SMC1A: variants seen among roughly 807,000 people sequenced by gnomAD.
The protein encoded by SMC1A is structural maintenance of chromosomes protein 1A.
SMC1A carries 4 observed loss-of-function variants against 94.5 expected under a neutral mutation model. The ratio of observed to expected loss-of-function variants is 0.04; its 90% CI spans 0.02 to 0.10. The LOEUF (loss-of-function observed/expected upper bound fraction) is 0.10, where lower values mean the gene tolerates loss of function less well. SMC1A is among the 10% of genes least tolerant of loss of function. The pLI, the probability that SMC1A is intolerant of heterozygous loss-of-function variation, is 1.00. For synonymous variants in SMC1A, 345 were observed against 347.7 expected (o/e 0.99, Z 0.09); for missense variants, 304 against 989.0 (o/e 0.31, Z 9.29).
rs2146602309 is a variant in SMC1A at position 53,409,179 on chromosome X, C to T, written c.1428G>A (p.Glu476=). The change falls in exon 9 of 25, where the codon GAG becomes GAA. Residue 476 remains glutamate (E), a synonymous_variant. Transcript: ENST00000322213. ...AKRRIDEINK[E]LNQVMEQLGD... ...CTAGCTGCTCCATCACCTGGTTCAG[C>T]TCCTTATTGATTTCATCAATACGCC... 4 of 1,211,880 alleles carry T rather than the reference C, an allele frequency of 3.3e-6. No individual in the cohort carries two copies. Among genetic ancestry groups the T allele is most frequent in the Non-Finnish European group, 4.5e-6 (4 of 895,492 alleles).
Position 53,374,910 on chromosome X carries a change from T to G in SMC1A, c.*5193A>C, listed in dbSNP as rs2075554635. The stretch of plus-strand genomic sequence containing the variant: ...CACTTCTTCTGAATAGCTCACATTC[T>G]GCCTCCCTGAAAGATCTGGTTGTTT... On this transcript the variant is annotated 3_prime_UTR_variant, in exon 25 of 25. Transcript: ENST00000322213. 1.8e-5 allele frequency: 2 copies of G among 113,103 alleles called. No homozygotes were observed. The highest frequency in any genetic ancestry group is 1.9e-4 in the Admixed American group (2 of 10,653). 9.3% of individuals were successfully genotyped at this position (113,103 alleles called of 1,213,427 possible).
intron 19 of SMC1A, among the ~76,000 whole-genome samples, chrX:53,393,213 G>A (rs1410243418): frequency 1.8e-5 from 2 of 109,222 alleles, no homozygotes; most frequent in African/African-American, 6.7e-5. Context: ...GAAATACAAG[G>A]AATAGAAAAA....
intron 1 of SMC1A, among the ~76,000 whole-genome samples, chrX:53,418,211 G>A (rs1391272996): frequency 6.3e-5 from 7 of 111,967 alleles, no homozygotes; most frequent in Non-Finnish European, 1.1e-4. Flanking sequence ...TATCGCCCAC[G>A]CTAGATTGCA....
In SMC1A at chrX:53,377,660, T is replaced by C. The variant is rs5933540; in HGVS notation, c.*2443A>G. On this transcript the variant is annotated 3_prime_UTR_variant, in exon 25 of 25. Transcript: ENST00000322213. ...AAACCTTTTTGGGCCTCAGTTTCCTTATCTGTAAAGTGGGGAGAACAGCAA... is the reference window on the plus strand; with the variant it reads ...AAACCTTTTTGGGCCTCAGTTTCCTCATCTGTAAAGTGGGGAGAACAGCAA... 5 of 111,676 alleles carry C rather than the reference T, an allele frequency of 4.5e-5. No homozygotes were observed. The highest frequency in any genetic ancestry group is 9.6e-5 in the Admixed American group (1 of 10,406). 9.2% of individuals were successfully genotyped at this position (111,676 alleles called of 1,213,427 possible). A position where few individuals can be genotyped will look rare whatever the true frequency, so the allele number is the denominator to read the frequency against.
chrX:53,417,637 A>C (rs1440978435), intron 1 of SMC1A, among the ~76,000 whole-genome samples: 1 of 110,723 alleles, frequency 9.0e-6, no homozygotes, highest in Non-Finnish European at 1.9e-5. Context: ...ACAAACTTTG[A>C]CTGGACTCTG....
At position 53,403,750 on chromosome X, in the gene SMC1A, C is replaced by T. The variant is rs781968221; in HGVS notation, c.2313+27G>A. ...AGTCCCAGTCCTGCCCTGACACACACGCTGGCATGGCCCACACCCTACCAA... is the reference window on the plus strand; with the variant it reads ...AGTCCCAGTCCTGCCCTGACACACATGCTGGCATGGCCCACACCCTACCAA... On this transcript the variant is annotated intron_variant, in intron 14 of 24. Transcript: ENST00000322213. The T allele has an allele frequency of 1.0e-5, 12 of 1,169,476 alleles. 1 individual carries two copies. The African/African-American group carries it at 2.1e-4, about 21-fold the overall frequency.
At chrX:53,408,788 G>A (rs782102357) in intron 9 of SMC1A, among the ~76,000 whole-genome samples, 6 of 103,204 alleles carry the variant, frequency 5.8e-5, no homozygotes, top group African/African-American at 2.2e-4. Flanking sequence ...TCAGAAAGAC[G>A]CAATTGGTAT....
chrX:53,382,915 G>A (rs782631745), intron 20 of SMC1A, among the ~76,000 whole-genome samples, 182 bp downstream of exon 20: 2 of 111,225 alleles, frequency 1.8e-5, no homozygotes, highest in Admixed American at 1.9e-4. Context: ...TTTACTCTCC[G>A]GGAACCTCAG....
rs1569351427 is a variant in SMC1A at position 53,380,626 on chromosome X, A to G, written c.3612T>C (p.Tyr1204=). Residue 1204 remains tyrosine, a synonymous_variant, in exon 24 of 25, where the codon TAT becomes TAC. Transcript: ENST00000322213. ...TGAGCCAGGCCCGCCCTACCTCAGG[A>G]TAGACTCCAATGAGGCTCTCGGCCT... ...YTKAESLIGV[Y]PEQGDCVISK... 5.1e-6 allele frequency: 6 copies of G among 1,179,075 alleles called. No homozygotes were observed. The highest frequency in any genetic ancestry group is 6.9e-6 in the Non-Finnish European group (6 of 866,135).
Position 53,405,792 on chromosome X carries a change from G to A in SMC1A, c.1710C>T (p.Phe570=). 5 of 1,210,707 alleles carry A rather than the reference G, an allele frequency of 4.1e-6. No individual in the cohort carries two copies. The highest frequency in any genetic ancestry group is 5.6e-6 in the Non-Finnish European group (5 of 895,017). Residue 570 remains phenylalanine, a synonymous_variant, in exon 10 of 25, where the codon TTC becomes TTT. Coordinates refer to ENST00000322213, the MANE Select transcript of SMC1A (RefSeq NM_006306.4). ...TCACCTCCAGGTAGTCAAGAGGCAA[G>A]AAGGTCTCAGGCTCCCCACGCTGCT... ...IKEQRGEPET[F]LPLDYLEVKP... is the part of the protein sequence containing the mutation.
Position 53,397,666 on chromosome X carries a change from G to T in SMC1A, c.2563-1049C>A, listed in dbSNP as rs1453156832. Reference sequence around the variant, plus strand: ...ATAAAAAATAATAAGCATATATATAGAGAGAGAATGCAAAAGATAATGCGG... The same window carrying T: ...ATAAAAAATAATAAGCATATATATATAGAGAGAATGCAAAAGATAATGCGG... On this transcript the variant is annotated intron_variant, in intron 16 of 24. Transcript: ENST00000322213. Among the ~76,000 whole-genome samples the T allele has an allele frequency of 3.6e-5, 4 of 111,774 alleles. No homozygotes were observed. In the East Asian group the frequency reaches 8.4e-4, roughly 23 times the overall value.
chrX:53,382,378 G>A lies in SMC1A; in HGVS notation c.3291C>T (p.Phe1097=). Reference sequence around the variant, plus strand: ...GCTCTTCAGGGTTCTCAGGGCCCAGGAATGCCTAGGGGAAGGCAGATGGGT... The same window carrying A: ...GCTCTTCAGGGTTCTCAGGGCCCAGAAATGCCTAGGGGAAGGCAGATGGGT... ...ALSRNSSAQA[F]LGPENPEEPY... The change falls in exon 22 of 25, where the codon TTC becomes TTT. Residue 1097 remains phenylalanine (F), a synonymous_variant. Transcript: ENST00000322213. 7.5e-6 allele frequency: 9 copies of A among 1,206,513 alleles called. No individual in the cohort carries two copies. Among genetic ancestry groups the A allele is most frequent in the Non-Finnish European group, 1.0e-5 (9 of 892,629 alleles).
rs2075726974 is a variant in SMC1A at position 53,415,114 on chromosome X, G to C, written c.165C>G (p.Asn55Lys). ...GGTCCCGCAGGGTCTTTACCCGCAG[G>C]TTGCTGGTTTTTTCACCTAGCACAA... ...ISFVLGEKTS[N>K]LRVKTLRDLI... The change falls in exon 2 of 25, where the codon AAC becomes AAG. Residue 55 changes from asparagine (N) to lysine (K), a missense_variant. Physicochemically the swap from Asn to Lys is moderately conservative, Grantham distance 94. Coordinates refer to ENST00000322213, the MANE Select transcript of SMC1A (RefSeq NM_006306.4). 8.3e-7 allele frequency: 1 copy of C among 1,209,453 alleles called. No homozygotes were observed. Among genetic ancestry groups the C allele is most frequent in the African/African-American group, 1.8e-5 (1 of 57,118 alleles).
At position 53,406,036 on chromosome X, in the gene SMC1A, G is replaced by C. The variant is rs147940723; in HGVS notation, c.1546-80C>G. On this transcript the variant is annotated intron_variant, in intron 9 of 24. Transcript: ENST00000322213. Reference sequence around the variant, plus strand: ...GGAATCCTAATTCCCAGTATGGAAAGGGGGACAGACTAGAATCTATATCAG... The same window carrying C: ...GGAATCCTAATTCCCAGTATGGAAACGGGGACAGACTAGAATCTATATCAG... The C allele has an allele frequency of 1.8e-3, 1,670 of 921,845 alleles. 25 individuals carry two copies. In the African/African-American group the frequency reaches 0.029, roughly 16 times the overall value. 76.0% of individuals were successfully genotyped at this position (921,845 alleles called of 1,213,427 possible).
At chrX:53,417,279 G>A (rs1367544355) in intron 1 of SMC1A, among the ~76,000 whole-genome samples, 2 of 110,430 alleles carry the variant, frequency 1.8e-5, no homozygotes, top group African/African-American at 6.6e-5. Flanking sequence ...AGCCGGGCAC[G>A]GTGGCTCACG....
chrX:53,419,519 C>T (rs1178370103), intron 1 of SMC1A, among the ~76,000 whole-genome samples: 3 of 104,584 alleles, frequency 2.9e-5, no homozygotes, highest in Non-Finnish European at 3.9e-5. Flanking sequence ...AGAGCAAGAC[C>T]CTGACTCCAA....
At chrX:53,383,507 C>A (rs1556886171) in intron 19 of SMC1A, among the ~76,000 whole-genome samples, 4 of 112,267 alleles carry the variant, frequency 3.6e-5, no homozygotes, top group African/African-American at 1.3e-4. Flanking sequence ...CAGGCCCTGC[C>A]AACCGCTTTG....
At chrX:53,380,863 C>T in intron 23 of SMC1A, 133 bp from the exon 24 acceptor site, 1 of 623,773 alleles carries the variant, frequency 1.6e-6, no homozygotes, top group South Asian at 2.3e-5. Flanking sequence ...TGAGAGGAGA[C>T]TACTGACTAC....
chrX:53,381,827 T>C lies in SMC1A; in HGVS notation c.3437+405A>G, dbSNP rs1163238223. 3 of 260,908 alleles carry C rather than the reference T, an allele frequency of 1.1e-5. No homozygotes were observed. In the Admixed American group the frequency reaches 1.6e-4, roughly 14 times the overall value. 21.5% of individuals were successfully genotyped at this position (260,908 alleles called of 1,213,427 possible). A position where few individuals can be genotyped will look rare whatever the true frequency, so the allele number is the denominator to read the frequency against. On this transcript the variant is annotated intron_variant, in intron 22 of 24. Coordinates refer to ENST00000322213, the MANE Select transcript of SMC1A (RefSeq NM_006306.4). ...ATAAGCTGCGGGAGTCAGACTCAAG[T>C]ACTACTGGCATTCAGGAGGGGAAGG...
Sources: allele counts gnomAD v4.1 joint callset (sites outside exome capture counted in the v4.1 genomes callset), GRCh38; gene constraint gnomAD v4.1.1; transcripts MANE v1.5; gene names NCBI Gene and HGNC (gene_info 2026-07-23, HGNC 2026-07-21).